Variants in ARHGAP32 observed in about 807,000 individuals in gnomAD.
ARHGAP32 encodes rho GTPase-activating protein 32.
In ARHGAP32, 51 loss-of-function variants were observed where a neutral mutation model predicts 186.5. That is an observed-to-expected ratio of 0.27 (90% confidence interval 0.22 to 0.35). ARHGAP32 has a LOEUF of 0.35. Among genes scored for constraint, ARHGAP32 ranks in the 10% least tolerant of loss-of-function variants. The probability of loss-of-function intolerance (pLI) is 1.00; values close to 1 mark genes in which losing one functional copy is unlikely to be tolerated. For synonymous variants in ARHGAP32, 950 were observed against 964.3 expected (o/e 0.99, Z 0.27); for missense variants, 2,186 against 2,623.5 (o/e 0.83, Z 3.64).
intron 2 of ARHGAP32, among the ~76,000 whole-genome samples, chr11:129,156,427 G>A (rs1160110333): frequency 2.6e-5 from 4 of 152,112 alleles, no homozygotes; most frequent in East Asian, 3.9e-4. Flanking sequence ...CACCATTACC[G>A]AGGCTTGAAC....
intron 1 of ARHGAP32, among the ~76,000 whole-genome samples, chr11:129,276,294 T>C (rs772192184): frequency 6.9e-6 from 1 of 145,674 alleles, no homozygotes; most frequent in Non-Finnish European, 1.5e-5. Context: ...TCCTTATCTG[T>C]TTTTGTTGTT....
At position 129,217,502 on chromosome 11, in the gene ARHGAP32, G is replaced by C. The variant is rs1458455141; in HGVS notation, c.-4-53075C>G. Among the ~76,000 whole-genome samples, 3 of 152,216 alleles carry C rather than the reference G, an allele frequency of 2.0e-5. No individual in the cohort carries two copies. In the East Asian group the frequency reaches 5.8e-4, roughly 29 times the overall value. On this transcript the variant is annotated intron_variant, in intron 1 of 6. Transcript: ENST00000525234. ...GCAGTATTTATTTTTTAAAAGTTCAGTATAAAAGATATCTCTCTTCTATGA... is the reference window on the plus strand; with the variant it reads ...GCAGTATTTATTTTTTAAAAGTTCACTATAAAAGATATCTCTCTTCTATGA...
At chr11:129,073,258 C>T (rs776945190) in intron 6 of ARHGAP32, among the ~76,000 whole-genome samples, 2 of 152,108 alleles carry the variant, frequency 1.3e-5, no homozygotes, top group Non-Finnish European at 2.9e-5. Flanking sequence ...ACTGAAGACA[C>T]ATCAGAAAAA....
At chr11:129,078,367 A>G (rs1941111783) in intron 6 of ARHGAP32, among the ~76,000 whole-genome samples, 1 of 152,200 alleles carries the variant, frequency 6.6e-6, no homozygotes, top group African/African-American at 2.4e-5. Flanking sequence ...AGGAACCAGA[A>G]AAAACAACTC....
chr11:129,080,021 A>C (rs556798641), intron 6 of ARHGAP32, among the ~76,000 whole-genome samples: 1 of 152,324 alleles, frequency 6.6e-6, no homozygotes, highest in African/African-American at 2.4e-5. Context: ...ACATTATATA[A>C]TGATAAAAGG....
chr11:129,019,004 G>A (rs568935559), intron 11 of ARHGAP32, among the ~76,000 whole-genome samples: 1 of 152,180 alleles, frequency 6.6e-6, no homozygotes, highest in East Asian at 1.9e-4. Flanking sequence ...TAACTCTGGC[G>A]ATGTGTTTTT....
chr11:129,238,969 G>A (rs1341868395), intron 1 of ARHGAP32, among the ~76,000 whole-genome samples: 1 of 151,822 alleles, frequency 6.6e-6, no homozygotes, highest in Non-Finnish European at 1.5e-5. Flanking sequence ...CCAATAGCTG[G>A]GACTACAGGC....
intron 1 of ARHGAP32, among the ~76,000 whole-genome samples, chr11:129,178,429 T>C (rs941636985): frequency 2.6e-5 from 4 of 152,014 alleles, no homozygotes; most frequent in African/African-American, 4.8e-5. Context: ...CTTCACAGAA[T>C]TGGAAAAAAC....
intron 1 of ARHGAP32, among the ~76,000 whole-genome samples, chr11:129,272,376 T>C (rs966485672): frequency 6.6e-6 from 1 of 152,206 alleles, no homozygotes. Flanking sequence ...TTGAATAATA[T>C]GCCCCATCAG....
intron 1 of ARHGAP32, among the ~76,000 whole-genome samples, chr11:129,181,131 T>C (rs917026368): frequency 1.3e-5 from 2 of 152,180 alleles, no homozygotes; most frequent in African/African-American, 4.8e-5. Context: ...TATCTTTCTC[T>C]TTCTATTCTT....
At chr11:129,016,610 A>C (rs1938352902) in intron 11 of ARHGAP32, among the ~76,000 whole-genome samples, 1 of 152,180 alleles carries the variant, frequency 6.6e-6, no homozygotes. Flanking sequence ...CTCTATCAAT[A>C]CCTCACTTTC....
At chr11:128,988,199 G>A in intron 12 of ARHGAP32, 74 bp from the exon 13 acceptor site, 4 of 1,098,446 alleles carry the variant, frequency 3.6e-6, no homozygotes, top group Non-Finnish European at 5.3e-6. Flanking sequence ...AAATAAGATT[G>A]TCTTAGTTTA....
At position 128,988,052 on chromosome 11, in the gene ARHGAP32, A is replaced by G; in HGVS notation, c.1269T>C (p.Ser423=). ...YGIVDGIYRL[S]GVASNIQRLR... ...GTCTCTGGATATTGGAGGCAACACCAGAAAGGCGATAGATTCCATCCACGA... is the reference window on the plus strand; with the variant it reads ...GTCTCTGGATATTGGAGGCAACACCGGAAAGGCGATAGATTCCATCCACGA... Residue 423 remains serine, a synonymous_variant, in exon 13 of 23, where the codon TCT becomes TCC. Coordinates refer to ENST00000682385, the MANE Select transcript of ARHGAP32 (RefSeq NM_001378024.1). 1 of 1,613,482 alleles carries G rather than the reference A, an allele frequency of 6.2e-7. No homozygotes were observed.
intron 1 of ARHGAP32, among the ~76,000 whole-genome samples, chr11:129,202,148 A>G (rs886370879): frequency 1.9e-4 from 29 of 152,274 alleles, no homozygotes; most frequent in South Asian, 4.1e-4. Context: ...TGCAAAGAAG[A>G]AAGTTTGGAA....
chr11:129,020,133 G>A (rs1938532975), intron 11 of ARHGAP32, among the ~76,000 whole-genome samples: 1 of 151,796 alleles, frequency 6.6e-6, no homozygotes, highest in Non-Finnish European at 1.5e-5. Context: ...TTTAGTTTAG[G>A]GAAATTTATC....
chr11:129,115,819 T>C (rs1240492937), intron 5 of ARHGAP32, among the ~76,000 whole-genome samples: 1 of 152,050 alleles, frequency 6.6e-6, no homozygotes, highest in Admixed American at 6.6e-5. Flanking sequence ...GAAATACAGA[T>C]CCTTGCTTCT....
upstream of ARHGAP32, among the ~76,000 whole-genome samples, chr11:129,196,817 G>A (rs1200763703): frequency 6.6e-6 from 1 of 152,102 alleles, no homozygotes; most frequent in African/African-American, 2.4e-5. Context: ...TAGCACTTGA[G>A]AGGCCAAGGC....
upstream of ARHGAP32, among the ~76,000 whole-genome samples, chr11:129,195,806 A>C (rs994993489): frequency 6.6e-6 from 1 of 152,254 alleles, no homozygotes; most frequent in East Asian, 1.9e-4. Flanking sequence ...AATCCAGCGG[A>C]ATCAACAGGT....
upstream of ARHGAP32, among the ~76,000 whole-genome samples, chr11:129,195,014 G>A (rs528885894): frequency 3.8e-3 from 576 of 150,458 alleles, 10 homozygotes; most frequent in South Asian, 0.023. Context: ...CTGTCACCTA[G>A]GCTGGAGTGC....
Sources: gnomAD v4.1 joint callset for allele counts (sites outside exome capture counted in the v4.1 genomes callset) on GRCh38, gnomAD v4.1.1 for gene constraint, MANE v1.5 for transcripts, NCBI Gene and HGNC (gene_info 2026-07-23, HGNC 2026-07-21) for gene names.